MYH15: variants seen among roughly 807,000 people sequenced by gnomAD.
The protein encoded by MYH15 is myosin-15.
A neutral mutation model predicts 240.5 loss-of-function variants in MYH15; 227 were observed. The ratio of observed to expected loss-of-function variants is 0.94; its 90% CI spans 0.85 to 1.05. The LOEUF (loss-of-function observed/expected upper bound fraction) is 1.05. MYH15 is among the 50% of genes least tolerant of loss of function. The pLI, the probability that MYH15 is intolerant of heterozygous loss-of-function variation, is 0.00. For synonymous variants in MYH15, 785 were observed against 796.7 expected (o/e 0.99, Z 0.25); for missense variants, 2,217 against 2,247.5 (o/e 0.99, Z 0.27).
the MYH15 span, among the ~76,000 whole-genome samples, chr3:108,543,166 A>T: frequency 5.3e-5 from 8 of 152,192 alleles, no homozygotes; most frequent in Non-Finnish European, 1.5e-5. Context: ...GGCGTGAGCC[A>T]CCGCACCAGG....
At chr3:108,518,706 C>A (rs575525809) in intron 1 of MYH15, among the ~76,000 whole-genome samples, 51 of 152,236 alleles carry the variant, frequency 3.4e-4, no homozygotes, top group African/African-American at 1.2e-3. Flanking sequence ...GTCATGTGAC[C>A]CCTGCCGGGA....
rs116636079 is a variant in MYH15, at chr3:108,492,418, C to T, written c.871+82G>A. The T allele has an allele frequency of 6.6e-3, 6,460 of 982,724 alleles. 168 individuals are homozygous for T. The African/African-American group carries it at 0.069, about 10-fold the overall frequency. 60.9% of individuals were successfully genotyped at this position (982,724 alleles called of 1,614,324 possible). A position where few individuals can be genotyped will look rare whatever the true frequency, so the allele number is the denominator to read the frequency against. ...GGTCTAAATAGGCTAAGAAACTTAC[C>T]GAATAACACTTTTTCATCCCCCAAA... On this transcript the variant is annotated intron_variant, in intron 9 of 40. Coordinates refer to ENST00000693548, the MANE Select transcript of MYH15 (RefSeq NM_014981.3).
intron 11 of MYH15, 30 bp from the exon 12 acceptor site, chr3:108,476,545 G>A (rs1401170465): frequency 6.4e-6 from 9 of 1,416,704 alleles, no homozygotes; most frequent in Non-Finnish European, 9.0e-6. Flanking sequence ...GAAAAGGAAG[G>A]AGAGAGGAAA....
In MYH15 at chr3:108,438,575, A is replaced by C. The variant is rs887117912; in HGVS notation, c.3076-876T>G. On this transcript the variant is annotated intron_variant, in intron 24 of 40. Transcript: ENST00000693548. Reference sequence around the variant, plus strand: ...GTGTTGGGAGGTGGGCCCTTTAGGAAGTGATGAGGTCATGAAGGTAGAGCC... The same window carrying C: ...GTGTTGGGAGGTGGGCCCTTTAGGACGTGATGAGGTCATGAAGGTAGAGCC... Among the ~76,000 whole-genome samples, 8 of 152,216 alleles carry C rather than the reference A, an allele frequency of 5.3e-5. No individual in the cohort carries two copies. The South Asian group carries it at 1.4e-3, about 28-fold the overall frequency.
chr3:108,402,966 G>A (rs372193512), intron 33 of MYH15, among the ~76,000 whole-genome samples: 10 of 152,244 alleles, frequency 6.6e-5, no homozygotes, highest in African/African-American at 1.9e-4. Flanking sequence ...TGACTGCACC[G>A]TCACCTCCCT....
intron 9 of MYH15, among the ~76,000 whole-genome samples, chr3:108,486,988 G>C (rs2083311007): frequency 6.6e-6 from 1 of 152,160 alleles, no homozygotes; most frequent in Non-Finnish European, 1.5e-5. Flanking sequence ...CAGCGCCCAG[G>C]GAACATTAGC....
chr3:108,433,778 T>C (rs941337390), intron 25 of MYH15, among the ~76,000 whole-genome samples: 2 of 152,202 alleles, frequency 1.3e-5, no homozygotes, highest in African/African-American at 2.4e-5. Context: ...TCCCAAGACA[T>C]GTGGAACTGT....
the MYH15 span, among the ~76,000 whole-genome samples, chr3:108,544,625 T>C: frequency 6.6e-6 from 1 of 152,194 alleles, no homozygotes; most frequent in Non-Finnish European, 1.5e-5. Flanking sequence ...CAGGGTGACC[T>C]TGCTTATTGT....
chr3:108,384,206 T>C (rs2082365017), intron 39 of MYH15, among the ~76,000 whole-genome samples: 1 of 152,196 alleles, frequency 6.6e-6, no homozygotes. Flanking sequence ...TCAATATATA[T>C]GACACTTATC....
intron 40 of MYH15, 101 bp from the exon 41 acceptor site, chr3:108,381,660 G>T (rs773164248): frequency 2.0e-4 from 264 of 1,314,874 alleles, no homozygotes; most frequent in Non-Finnish European, 2.7e-4. Context: ...AGGTAAGCAG[G>T]CCTTAGCCAA....
intron 20 of MYH15, among the ~76,000 whole-genome samples, chr3:108,454,480 G>A (rs2083003167): frequency 6.6e-6 from 1 of 152,156 alleles, no homozygotes; most frequent in Non-Finnish European, 1.5e-5. Context: ...GTACCAGGTA[G>A]GGTTCTGCAA....
chr3:108,541,709 A>C, the MYH15 span, among the ~76,000 whole-genome samples: 1 of 152,146 alleles, frequency 6.6e-6, no homozygotes, highest in African/African-American at 2.4e-5. Flanking sequence ...ACATCTGTAT[A>C]ATAACTGCAA....
chr3:108,474,897 C>T lies in MYH15; in HGVS notation c.1233+1500G>A, dbSNP rs1263632271. Reference sequence around the variant, plus strand: ...GGCTTACAGGGCATTGTTTTAGATGCTTGGAGTACTAAGATGAATTAGACA... The same window carrying T: ...GGCTTACAGGGCATTGTTTTAGATGTTTGGAGTACTAAGATGAATTAGACA... On this transcript the variant is annotated intron_variant, in intron 12 of 40. Transcript: ENST00000693548. Among the ~76,000 whole-genome samples the T allele has an allele frequency of 2.6e-5, 4 of 152,170 alleles. No homozygotes were observed. The South Asian group carries it at 6.2e-4, about 24-fold the overall frequency.
At chr3:108,502,746 A>G (rs2083447813) in intron 2 of MYH15, among the ~76,000 whole-genome samples, 1 of 151,988 alleles carries the variant, frequency 6.6e-6, no homozygotes, top group Admixed American at 6.6e-5. Flanking sequence ...CCAGTTGGTG[A>G]TGGCTTCTTT....
intron 22 of MYH15, among the ~76,000 whole-genome samples, chr3:108,442,132 TCTCGAGAC>T (rs1271298840): frequency 6.6e-6 from 1 of 152,158 alleles, no homozygotes; most frequent in Non-Finnish European, 1.5e-5. Context: ...TCACCTTCCA[TCTCGAGAC>T]CTCACCTATC....
In MYH15 at chr3:108,456,887, GAA is replaced by G. The variant is rs113153088; in HGVS notation, c.2021-6_2021-5del. 33 of 1,424,034 alleles carry G rather than the reference GAA, an allele frequency of 2.3e-5. No homozygotes were observed. The highest frequency in any genetic ancestry group is 1.8e-4 in the Middle Eastern group (1 of 5,412). The allele number at this position is 1,424,034 out of a possible 1,614,324, so 88.2% of individuals were successfully genotyped here. A position where few individuals can be genotyped will look rare whatever the true frequency, so the allele number is the denominator to read the frequency against. ...ACCAAGTAAGGGTCCAGTATACCTGGAAAAAAAAAAGAGTCATGGTGGATCTG... is the reference window on the plus strand; with the variant it reads ...ACCAAGTAAGGGTCCAGTATACCTGGAAAAAAAAGAGTCATGGTGGATCTG... On this transcript the variant is annotated splice_polypyrimidine_tract_variant and splice_region_variant and intron_variant, in intron 18 of 40. Transcript: ENST00000693548.
chr3:108,414,461 G>T, intron 29 of MYH15, 33 bp from the exon 30 acceptor site: 1 of 1,575,186 alleles, frequency 6.3e-7, no homozygotes. Context: ...AAAAGGTCAT[G>T]ACCACCATGA....
Position 108,455,846 on chromosome 3 carries a change from T to C in MYH15, c.2152A>G (p.Asn718Asp), listed in dbSNP as rs1292003318. 11 of 1,612,208 alleles carry C rather than the reference T, an allele frequency of 6.8e-6. No individual in the cohort carries two copies. The highest frequency in any genetic ancestry group is 5.3e-5 in the African/African-American group (4 of 74,868). Residue 718 changes from asparagine (N) to aspartate (D), a missense_variant, in exon 20 of 41, where the codon AAT (asparagine) becomes GAT (aspartate). Transcript: ENST00000693548. The stretch of plus-strand genomic sequence containing the variant: ...TTGCTCTTTGGAAAGGTCCTTGGAT[T>C]CAGAATGCAGTACCTAATTTAAAAT... The part of the protein sequence containing the change: ...ADFKQRYCIL[N>D]PRTFPKSKFV...
At chr3:108,461,365 C>A (rs1293687995) in intron 16 of MYH15, among the ~76,000 whole-genome samples, 3 of 152,068 alleles carry the variant, frequency 2.0e-5, no homozygotes, top group Non-Finnish European at 4.4e-5. Context: ...AGAATTATAA[C>A]CCTGGTTTAA....
Sources: gnomAD v4.1 joint callset for allele counts (sites outside exome capture counted in the v4.1 genomes callset) on GRCh38, gnomAD v4.1.1 for gene constraint, MANE v1.5 for transcripts, NCBI Gene and HGNC (gene_info 2026-07-23, HGNC 2026-07-21) for gene names.